The following CDH18 variants were observed in gnomAD, a reference collection of about 807,000 sequenced individuals.
CDH18 encodes cadherin 18, also known as cadherin-18.
A neutral mutation model predicts 67.9 loss-of-function variants in CDH18; 31 were observed. The observed-to-expected ratio is 0.46, with a 90% CI of 0.34 to 0.62. CDH18 has a LOEUF of 0.62. Among genes scored for constraint, CDH18 ranks in the 20% least tolerant of loss-of-function variants. The probability of loss-of-function intolerance (pLI) is 0.01; values close to 1 mark genes in which losing one functional copy is unlikely to be tolerated. For synonymous variants in CDH18, 362 were observed against 347.2 expected, an observed-to-expected ratio of 1.04 and a Z score of -0.48; for missense variants, 890 against 975.5, an observed-to-expected ratio of 0.91 and a Z score of 1.17.
chr5:19,702,941 T>G (rs955999574), intron 5 of CDH18, among the ~76,000 whole-genome samples: 6 of 152,262 alleles, frequency 3.9e-5, no homozygotes, highest in Admixed American at 3.9e-4. Context: ...TAAGGACATG[T>G]TCCTGCTGCA....
chr5:19,719,956 AGAAG>A (rs1220898598), intron 5 of CDH18, among the ~76,000 whole-genome samples: 7 of 147,004 alleles, frequency 4.8e-5, no homozygotes, highest in African/African-American at 1.5e-4. Flanking sequence ...AAAGAAAGAA[AGAAG>A]GAAAGAGTTA....
chr5:20,202,395 G>T (rs148635689), intron 2 of CDH18, among the ~76,000 whole-genome samples: 1 of 152,036 alleles, frequency 6.6e-6, no homozygotes, highest in Non-Finnish European at 1.5e-5. Flanking sequence ...ATTAATCAAA[G>T]AATGAAAATT....
intron 1 of CDH18, among the ~76,000 whole-genome samples, chr5:20,369,913 G>A (rs1308105135): frequency 6.6e-6 from 1 of 152,008 alleles, no homozygotes; most frequent in Non-Finnish European, 1.5e-5. Context: ...GGGTGTGCAG[G>A]TTTGTTACAC....
intron 1 of CDH18, among the ~76,000 whole-genome samples, chr5:20,330,288 T>G (rs989696050): frequency 6.6e-6 from 1 of 152,156 alleles, no homozygotes; most frequent in African/African-American, 2.4e-5. Context: ...AATAGGATGA[T>G]TGAACACTCT....
chr5:20,156,925 TC>T (rs1008439803), intron 2 of CDH18, among the ~76,000 whole-genome samples: 3 of 152,138 alleles, frequency 2.0e-5, no homozygotes, highest in Non-Finnish European at 4.4e-5. Flanking sequence ...GATATAGTAG[TC>T]CCCCCTTATC....
At chr5:20,190,896 T>C (rs1738484399) in intron 2 of CDH18, among the ~76,000 whole-genome samples, 1 of 152,162 alleles carries the variant, frequency 6.6e-6, no homozygotes, top group Non-Finnish European at 1.5e-5. Flanking sequence ...TAATCCTTTA[T>C]GATCTAAGAG....
intron 2 of CDH18, among the ~76,000 whole-genome samples, chr5:20,247,172 C>T (rs760256592): frequency 9.2e-5 from 14 of 152,144 alleles, no homozygotes; most frequent in Admixed American, 2.6e-4. Context: ...AGATGCTGTT[C>T]CTTCCCTACC....
At chr5:19,738,283 A>G (rs1051958185) in intron 4 of CDH18, among the ~76,000 whole-genome samples, 2 of 152,186 alleles carry the variant, frequency 1.3e-5, no homozygotes, top group Non-Finnish European at 2.9e-5. Context: ...GGTTGCTCTA[A>G]GATCAATTGT....
At chr5:20,066,016 A>G (rs1162357194) in intron 2 of CDH18, among the ~76,000 whole-genome samples, 1 of 152,042 alleles carries the variant, frequency 6.6e-6, no homozygotes, top group Non-Finnish European at 1.5e-5. Context: ...CAAATTAGAG[A>G]TATGTATTTT....
intron 2 of CDH18, among the ~76,000 whole-genome samples, chr5:20,170,820 C>T (rs1000583041): frequency 6.7e-6 from 1 of 150,106 alleles, no homozygotes; most frequent in African/African-American, 2.5e-5. Context: ...AGCCTTGTAC[C>T]CAAAAGTCTT....
At chr5:20,369,440 A>G (rs1742799760) in intron 1 of CDH18, among the ~76,000 whole-genome samples, 1 of 152,212 alleles carries the variant, frequency 6.6e-6, no homozygotes, top group Admixed American at 6.5e-5. Context: ...TTTCCAATTC[A>G]CAGGTAAATT....
At chr5:19,941,308 G>A (rs1257054846) in intron 2 of CDH18, among the ~76,000 whole-genome samples, 2 of 152,132 alleles carry the variant, frequency 1.3e-5, no homozygotes, top group Non-Finnish European at 2.9e-5. Flanking sequence ...ATGAATTTCT[G>A]TGTTCGTAAG....
At chr5:20,339,834 G>T (rs970529525) in intron 1 of CDH18, among the ~76,000 whole-genome samples, 10 of 152,210 alleles carry the variant, frequency 6.6e-5, no homozygotes, top group African/African-American at 2.4e-4. Context: ...CTCTTGGAAA[G>T]ATTTTATGCA....
At chr5:19,781,723 T>C (rs1775136802) in intron 3 of CDH18, among the ~76,000 whole-genome samples, 1 of 152,182 alleles carries the variant, frequency 6.6e-6, no homozygotes. Context: ...ACACTCACAA[T>C]AGTCTGAGTC....
Position 20,136,845 on chromosome 5 carries a change from T to C in CDH18, c.-518+118599A>G, listed in dbSNP as rs186238784. On this transcript the variant is annotated intron_variant, in intron 2 of 14. Coordinates refer to the CDH18 transcript ENST00000507958. ...AAGGATTTTATTTCTCCTTCACTTA[T>C]GAAGCTTAGTTTGGTTGGATACGAA... is the stretch of plus-strand genomic sequence containing the variant. 1.2e-4 allele frequency among the ~76,000 whole-genome samples: 18 copies of C among 152,332 alleles called. No homozygotes were observed. In the East Asian group the frequency reaches 1.9e-3, roughly 16 times the overall value.
intron 5 of CDH18, among the ~76,000 whole-genome samples, chr5:19,693,752 C>T (rs1346196822): frequency 2.0e-5 from 3 of 151,946 alleles, no homozygotes; most frequent in East Asian, 1.9e-4. Context: ...CAAAAATTAG[C>T]TCAGCATAGG....
intron 1 of CDH18, among the ~76,000 whole-genome samples, chr5:20,352,624 C>CAAAAAAAA (rs35947411): frequency 4.5e-5 from 4 of 89,126 alleles, no homozygotes; most frequent in African/African-American, 1.1e-4. Context: ...ACTAAAAATA[C>CAAAAAAAA]AAAAAAAAAA....
Position 19,789,161 on chromosome 5 carries a change from T to C in CDH18, c.229-41925A>G, listed in dbSNP as rs112299456. ...ACAGGGCAATTGCCTTTACAAAATA[T>C]TAATCTCCTAGGGCTGTGAAGCTAC... is the stretch of plus-strand genomic sequence containing the variant. On this transcript the variant is annotated intron_variant, in intron 3 of 12. Coordinates refer to ENST00000382275, the MANE Select transcript of CDH18 (RefSeq NM_004934.5). 3.2e-3 allele frequency among the ~76,000 whole-genome samples: 484 copies of C among 152,332 alleles called. 2 individuals carry two copies. The highest frequency in any genetic ancestry group is 9.4e-3 in the African/African-American group (392 of 41,576).
Position 19,643,225 on chromosome 5 carries a change from A to G in CDH18, c.644-30624T>C, listed in dbSNP as rs1237428151. Among the ~76,000 whole-genome samples, 86 of 152,228 alleles carry G rather than the reference A, an allele frequency of 5.6e-4. 1 individual carries two copies. ...GATGGAGAAAGTGAAACCCTTGTAC[A>G]CTATTGGTGGGAATGTAAATTGGCA... On this transcript the variant is annotated intron_variant, in intron 5 of 12. Transcript: ENST00000382275.
Sources: allele counts gnomAD v4.1 joint callset (sites outside exome capture counted in the v4.1 genomes callset), GRCh38; gene constraint gnomAD v4.1.1; transcripts MANE v1.5; gene names NCBI Gene and HGNC (gene_info 2026-07-23, HGNC 2026-07-21).